KAZN: variants seen among roughly 807,000 people sequenced by gnomAD.
The protein encoded by KAZN is kazrin.
A neutral mutation model predicts 87.4 loss-of-function variants in KAZN; 40 were observed. The ratio of observed to expected loss-of-function variants is 0.46; its 90% CI spans 0.36 to 0.60. The LOEUF (loss-of-function observed/expected upper bound fraction) is 0.60, where lower values mean the gene tolerates loss of function less well. Among genes scored for constraint, KAZN ranks in the 20% least tolerant of loss-of-function variants. The pLI, the probability that KAZN is intolerant of heterozygous loss-of-function variation, is 0.00. For synonymous variants in KAZN, 466 were observed against 458.3 expected, an observed-to-expected ratio of 1.02 and a Z score of -0.22; for missense variants, 898 against 1,073.9, an observed-to-expected ratio of 0.84 and a Z score of 2.29.
At chr1:15,029,613 A>C (rs1671486207) in intron 2 of KAZN, among the ~76,000 whole-genome samples, 1 of 152,174 alleles carries the variant, frequency 6.6e-6, no homozygotes, top group Non-Finnish European at 1.5e-5. Context: ...CACAAAGGCC[A>C]TTTGTGAGAG....
At chr1:14,404,303 T>C (rs1378693154) in intron 2 of KAZN, among the ~76,000 whole-genome samples, 1 of 152,234 alleles carries the variant, frequency 6.6e-6, no homozygotes, top group African/African-American at 2.4e-5. Flanking sequence ...CATTCACTTG[T>C]GCAAGCTTCC....
chr1:14,276,155 A>C (rs554758859), intron 2 of KAZN, among the ~76,000 whole-genome samples: 1 of 129,174 alleles, frequency 7.7e-6, no homozygotes, highest in Non-Finnish European at 1.6e-5. Context: ...AGTGTTCGCT[A>C]TAAGGGTGTG....
At chr1:14,189,308 T>G (rs1646376491) in intron 2 of KAZN, among the ~76,000 whole-genome samples, 1 of 152,194 alleles carries the variant, frequency 6.6e-6, no homozygotes, top group African/African-American at 2.4e-5. Flanking sequence ...TTACTGAGTC[T>G]GATCCCTCTT....
At chr1:15,106,957 G>A (rs916602273) in intron 13 of KAZN, among the ~76,000 whole-genome samples, 15 of 152,168 alleles carry the variant, frequency 9.9e-5, no homozygotes, top group Admixed American at 3.9e-4. Flanking sequence ...CCAGGGGATC[G>A]GAGGAGTCAA....
chr1:15,116,296 T>C lies in KAZN; in HGVS notation c.*1661T>C, dbSNP rs980255041. ...GTGTTCTTCAACCTGGCAAATTGTT[T>C]CCTCTCATGGGGGAAGCCGAGCTCT... On this transcript the variant is annotated 3_prime_UTR_variant, in exon 15 of 15. Transcript: ENST00000376030. 1 of 152,204 alleles carries C rather than the reference T, an allele frequency of 6.6e-6. No homozygotes were observed. Among genetic ancestry groups the C allele is most frequent in the Admixed American group, 6.5e-5 (1 of 15,284 alleles). The allele number at this position is 152,204 out of a possible 1,614,324, so 9.4% of individuals were successfully genotyped here.
In KAZN at chr1:14,399,488, A is replaced by T. The variant is rs545365145; in HGVS notation, c.250-199495A>T. ...TCATTGGTAAAGGTAATTTAAGGGC[A>T]AAAAAGACATCTAGGACTCTCTCAG... On this transcript the variant is annotated intron_variant, in intron 2 of 16. Coordinates refer to the KAZN transcript ENST00000636203. Among the ~76,000 whole-genome samples, 6 of 149,444 alleles carry T rather than the reference A, an allele frequency of 4.0e-5. No homozygotes were observed. In the South Asian group the frequency reaches 1.3e-3, roughly 32 times the overall value.
intron 2 of KAZN, among the ~76,000 whole-genome samples, chr1:14,269,476 C>T (rs184848887): frequency 3.4e-4 from 51 of 152,122 alleles, no homozygotes; most frequent in African/African-American, 1.2e-3. Context: ...AAATAAAAGG[C>T]GTCCACCAAC....
chr1:14,782,554 C>CAAAAAAAAGA (rs1645385824), intron 1 of KAZN, among the ~76,000 whole-genome samples: 1 of 66,252 alleles, frequency 1.5e-5, no homozygotes, highest in Non-Finnish European at 2.7e-5. Flanking sequence ...CCTCAAAGAG[C>CAAAAAAAAGA]AAAAAAAAAA....
intron 1 of KAZN, among the ~76,000 whole-genome samples, chr1:13,901,703 G>A (rs1042469142): frequency 1.3e-5 from 2 of 152,202 alleles, no homozygotes; most frequent in Admixed American, 6.5e-5. Flanking sequence ...AGCTGCTACC[G>A]GCATCAGCGA....
At chr1:15,067,579 A>G (rs532102604) in intron 8 of KAZN, 19 of 985,436 alleles carry the variant, frequency 1.9e-5, no homozygotes, top group Admixed American at 1.8e-4. Context: ...TAACGGTGAC[A>G]TTTTCAGCTC....
chr1:14,046,110 C>T (rs113567736), intron 1 of KAZN, among the ~76,000 whole-genome samples: 188 of 152,140 alleles, frequency 1.2e-3, no homozygotes, highest in Middle Eastern at 6.8e-3. Context: ...TGGAAATCAC[C>T]GGCAGTTTGA....
At chr1:14,598,406 G>A (rs145721497), upstream of KAZN, among the ~76,000 whole-genome samples, 1 of 152,178 alleles carries the variant, frequency 6.6e-6, no homozygotes, top group East Asian at 1.9e-4. This position sits in a 1 kb window ranked among gnomAD's most constrained non-coding sequence, Gnocchi z 4.2. Flanking sequence ...CCTTAGCACG[G>A]CTCGGGGCAC....
intron 1 of KAZN, among the ~76,000 whole-genome samples, chr1:14,061,965 T>A (rs1392133205): frequency 2.6e-5 from 4 of 152,270 alleles, no homozygotes; most frequent in Non-Finnish European, 4.4e-5. Flanking sequence ...ATGTGCCTTG[T>A]TGAAGTCTGG....
intron 2 of KAZN, among the ~76,000 whole-genome samples, chr1:14,228,883 C>T (rs986653291): frequency 6.6e-6 from 1 of 152,240 alleles, no homozygotes; most frequent in African/African-American, 2.4e-5. Context: ...CCCAGGTATC[C>T]CAGCCTTGAC....
chr1:13,988,603 C>T (rs1639133185), intron 1 of KAZN, among the ~76,000 whole-genome samples: 1 of 152,134 alleles, frequency 6.6e-6, no homozygotes, highest in East Asian at 1.9e-4. Flanking sequence ...TACATTCTAC[C>T]AGCTAGAACT....
At chr1:14,541,704 C>T (rs1672823399) in intron 2 of KAZN, among the ~76,000 whole-genome samples, 1 of 152,248 alleles carries the variant, frequency 6.6e-6, no homozygotes, top group Admixed American at 6.5e-5. Flanking sequence ...TCTCACTACT[C>T]TTACAAGTGT....
At chr1:14,514,595 TTATATATATATATATATATA>T (rs754845099) in intron 2 of KAZN, among the ~76,000 whole-genome samples, 7,137 of 66,204 alleles carry the variant, frequency 0.11, 1,058 homozygotes, top group South Asian at 0.13. Flanking sequence ...TTTTTATATT[TTATATATATATATATATATA>T]TATATATATA....
chr1:14,743,440 A>C (rs1247830197), intron 1 of KAZN, among the ~76,000 whole-genome samples: 4 of 151,942 alleles, frequency 2.6e-5, no homozygotes, highest in Non-Finnish European at 4.4e-5. Context: ...AAAAAAAAAA[A>C]AAAGTACATA....
chr1:15,108,216 G>A (rs1641362612), intron 13 of KAZN, among the ~76,000 whole-genome samples: 1 of 152,148 alleles, frequency 6.6e-6, no homozygotes, highest in Non-Finnish European at 1.5e-5. Flanking sequence ...TTATTCTCTG[G>A]TCACTCAGCA....
Sources: allele counts gnomAD v4.1 joint callset (sites outside exome capture counted in the v4.1 genomes callset), GRCh38; gene constraint gnomAD v4.1.1; non-coding constraint Gnocchi (gnomAD v3.1); transcripts MANE v1.5; gene names NCBI Gene and HGNC (gene_info 2026-07-23, HGNC 2026-07-21).